VWA8: variants seen among roughly 807,000 people sequenced by gnomAD.
VWA8 encodes the protein von Willebrand factor A domain-containing protein 8.
A neutral mutation model predicts 241.5 loss-of-function variants in VWA8; 221 were observed. The observed-to-expected ratio is 0.91, with a 90% CI of 0.82 to 1.02. VWA8 has a LOEUF of 1.02. Among genes scored for constraint, VWA8 ranks in the 50% least tolerant of loss-of-function variants. The pLI, the probability that VWA8 is intolerant of heterozygous loss-of-function variation, is 0.00. For synonymous variants in VWA8, 852 were observed against 827.1 expected (o/e 1.03, Z -0.52); for missense variants, 2,322 against 2,328.7 (o/e 1.00, Z 0.06).
chr13:41,868,376 G>A lies in VWA8; in HGVS notation c.1182C>T (p.Ile394=). 1 of 1,614,088 alleles carries A rather than the reference G, an allele frequency of 6.2e-7. No individual in the cohort carries two copies. The highest frequency in any genetic ancestry group is 8.5e-7 in the Non-Finnish European group (1 of 1,179,986). Residue 394 remains isoleucine (I), a synonymous_variant, in exon 10 of 45, where the codon ATC becomes ATT. Transcript: ENST00000379310. ...TGGTCACCTCTTTATCTGCAATCCG[G>A]ATGGTCACAGAAGCTTGGGACACAT... ...ENHVSQASVT[I]RIADKEVTIK...
chr13:41,840,053 G>C (rs985665554), intron 12 of VWA8, among the ~76,000 whole-genome samples: 31 of 152,176 alleles, frequency 2.0e-4, no homozygotes, highest in African/African-American at 7.5e-4. Context: ...TCCTTGAGCA[G>C]TGGTTTGTAG....
chr13:41,888,628 T>TG (rs1874662954), intron 5 of VWA8, among the ~76,000 whole-genome samples: 6 of 152,122 alleles, frequency 3.9e-5, no homozygotes, highest in African/African-American at 7.2e-5. Flanking sequence ...AAAACTCAGA[T>TG]CCCCTTCCCT....
At chr13:41,688,397 T>C (rs1419801192) in intron 34 of VWA8, among the ~76,000 whole-genome samples, 2 of 152,172 alleles carry the variant, frequency 1.3e-5, no homozygotes, top group Non-Finnish European at 2.9e-5. Flanking sequence ...TCAGAACACA[T>C]GGAGCTACAT....
intron 1 of VWA8, among the ~76,000 whole-genome samples, chr13:41,959,724 C>A (rs373873311): frequency 9.3e-5 from 14 of 150,284 alleles, no homozygotes; most frequent in South Asian, 6.3e-4. Flanking sequence ...GCCTCAGCCT[C>A]CGGAGTAGCT....
intron 4 of VWA8, among the ~76,000 whole-genome samples, chr13:41,903,957 G>A (rs568729683): frequency 1.3e-5 from 2 of 152,290 alleles, no homozygotes; most frequent in South Asian, 2.1e-4. Flanking sequence ...CACGGGCTCC[G>A]AAGGTATCAG....
At chr13:41,752,449 G>C (rs759750355) in intron 21 of VWA8, among the ~76,000 whole-genome samples, 2 of 152,108 alleles carry the variant, frequency 1.3e-5, no homozygotes, top group Non-Finnish European at 2.9e-5. Context: ...CAAGCAAGCT[G>C]TACTAGGTCA....
chr13:41,811,360 T>C lies in VWA8; in HGVS notation c.1948-20A>G. Reference sequence around the variant, plus strand: ...TTGTGCCTATCAAAAGACAAATACATTGTGTTAAGAGTCTTGTTTCAACTT... The same window carrying C: ...TTGTGCCTATCAAAAGACAAATACACTGTGTTAAGAGTCTTGTTTCAACTT... On this transcript the variant is annotated intron_variant, in intron 16 of 44. Coordinates refer to ENST00000379310, the MANE Select transcript of VWA8 (RefSeq NM_015058.2). 6.3e-7 allele frequency: 1 copy of C among 1,593,386 alleles called. No individual in the cohort carries two copies. Among genetic ancestry groups the C allele is most frequent in the Non-Finnish European group, 8.6e-7 (1 of 1,163,310 alleles).
chr13:41,585,096 T>A (rs911180237), intron 42 of VWA8, among the ~76,000 whole-genome samples: 11 of 149,544 alleles, frequency 7.4e-5, no homozygotes, highest in Admixed American at 6.0e-4. Flanking sequence ...AAAAAAAAAA[T>A]GAAACATCTT....
intron 19 of VWA8, among the ~76,000 whole-genome samples, chr13:41,778,574 C>T (rs1868724637): frequency 6.6e-6 from 1 of 151,904 alleles, no homozygotes. Context: ...TAAGGTTGTT[C>T]ACAATAGCCA....
In VWA8 at chr13:41,754,949, T is replaced by C. The variant is rs2045683579; in HGVS notation, c.2426+6179A>G. On this transcript the variant is annotated intron_variant, in intron 21 of 44. Transcript: ENST00000379310. ...AATGACAGGATCTCATTCTTTTTTTTATGGCCGAATAGTACTCTATTGTGT... is the reference window on the plus strand; with the variant it reads ...AATGACAGGATCTCATTCTTTTTTTCATGGCCGAATAGTACTCTATTGTGT... 2.0e-5 allele frequency among the ~76,000 whole-genome samples: 3 copies of C among 152,122 alleles called. No individual in the cohort carries two copies. In the South Asian group the frequency reaches 6.2e-4, roughly 32 times the overall value.
chr13:41,630,020 A>G (rs1384636627), intron 37 of VWA8, among the ~76,000 whole-genome samples: 1 of 152,210 alleles, frequency 6.6e-6, no homozygotes, highest in East Asian at 1.9e-4. Context: ...CTCAGTGGGC[A>G]TTTCTATTTT....
At chr13:41,837,558 T>C (rs575784602) in intron 12 of VWA8, among the ~76,000 whole-genome samples, 1 of 152,316 alleles carries the variant, frequency 6.6e-6, no homozygotes, top group Admixed American at 6.5e-5. Flanking sequence ...CAAAGTAACA[T>C]CACTTTCAAT....
At chr13:41,876,723 G>T (rs1270703285) in intron 9 of VWA8, among the ~76,000 whole-genome samples, 1 of 152,104 alleles carries the variant, frequency 6.6e-6, no homozygotes, top group East Asian at 1.9e-4. Context: ...AATCTTTTTT[G>T]AGTGAATATT....
chr13:41,797,717 T>C (rs1869768157), intron 17 of VWA8, among the ~76,000 whole-genome samples: 1 of 152,188 alleles, frequency 6.6e-6, no homozygotes, highest in African/African-American at 2.4e-5. Context: ...AGTATATTAA[T>C]AGTAATATAT....
intron 35 of VWA8, among the ~76,000 whole-genome samples, chr13:41,675,864 T>C (rs1280452198): frequency 6.6e-6 from 1 of 152,014 alleles, no homozygotes; most frequent in Non-Finnish European, 1.5e-5. Context: ...AATTAGTAAA[T>C]GCAAAGCACC....
rs193255993 is a variant in VWA8 at position 41,849,841 on chromosome 13, C to T, written c.1425+15895G>A. The stretch of plus-strand genomic sequence containing the variant: ...GGCAGAGGTTGCAGTGAGCCAAGAT[C>T]GCGCCACTGTACTACAGCCTGGGTG... On this transcript the variant is annotated intron_variant, in intron 12 of 44. Transcript: ENST00000379310. Among the ~76,000 whole-genome samples, 101 of 151,734 alleles carry T rather than the reference C, an allele frequency of 6.7e-4. 1 individual carries two copies. The highest frequency in any genetic ancestry group is 2.3e-3 in the African/African-American group (94 of 41,348).
intron 12 of VWA8, 107 bp downstream of exon 12, chr13:41,865,629 C>A: frequency 8.1e-7 from 1 of 1,234,484 alleles, no homozygotes; most frequent in Non-Finnish European, 1.1e-6. Flanking sequence ...TGGTTCTTTA[C>A]CTATATAAAA....
At chr13:41,626,445 A>G (rs2044691936) in intron 37 of VWA8, among the ~76,000 whole-genome samples, 1 of 152,214 alleles carries the variant, frequency 6.6e-6, no homozygotes, top group African/African-American at 2.4e-5. Flanking sequence ...GAACCAAAAA[A>G]GAGCCAAACA....
intron 4 of VWA8, among the ~76,000 whole-genome samples, chr13:41,901,681 A>G (rs1875432878): frequency 6.6e-6 from 1 of 151,860 alleles, no homozygotes. Context: ...CCTGGCCAAC[A>G]TGGCAAAACC....
Sources: allele counts gnomAD v4.1 joint callset (sites outside exome capture counted in the v4.1 genomes callset), GRCh38; gene constraint gnomAD v4.1.1; transcripts MANE v1.5; gene names NCBI Gene and HGNC (gene_info 2026-07-23, HGNC 2026-07-21).